The following TBC1D8 variants were observed in gnomAD, a reference collection of about 807,000 sequenced individuals.
The protein encoded by TBC1D8 is BUB2-like protein 1.
In TBC1D8, 65 loss-of-function variants were observed where a neutral mutation model predicts 118.8. That is an observed-to-expected ratio of 0.55 (90% CI 0.45 to 0.67). The LOEUF (loss-of-function observed/expected upper bound fraction) is 0.67. Ranked by LOEUF, TBC1D8 falls within the 30% of genes least tolerant of loss-of-function variation. The pLI, the probability that TBC1D8 is intolerant of heterozygous loss-of-function variation, is 0.00. For synonymous variants in TBC1D8, 566 were observed against 595.8 expected (o/e 0.95, Z 0.73); for missense variants, 1,376 against 1,471.2 (o/e 0.94, Z 1.06).
chr2:101,057,380 C>T (rs1247644967), intron 3 of TBC1D8, among the ~76,000 whole-genome samples: 1 of 152,212 alleles, frequency 6.6e-6, no homozygotes, highest in Non-Finnish European at 1.5e-5. Flanking sequence ...ACACTGCCCC[C>T]AAAAGCCTAA....
intron 1 of TBC1D8, among the ~76,000 whole-genome samples, chr2:101,120,064 T>A (rs1678026674): frequency 6.6e-6 from 1 of 152,108 alleles, no homozygotes; most frequent in Admixed American, 6.5e-5. Context: ...ATCCCCACAG[T>A]GCAGAGAGGG....
At chr2:101,083,795 C>A (rs977594960) in intron 2 of TBC1D8, among the ~76,000 whole-genome samples, 26 of 152,178 alleles carry the variant, frequency 1.7e-4, no homozygotes, top group Admixed American at 6.5e-5. Flanking sequence ...TGGGCTTTAT[C>A]TGAGACTTGA....
At chr2:101,010,895 A>T in intron 19 of TBC1D8, 34 bp downstream of exon 19, 3 of 1,573,600 alleles carry the variant, frequency 1.9e-6, no homozygotes, top group African/African-American at 1.4e-5. Flanking sequence ...AAAAAAAAAA[A>T]AAGTTAATTC....
chr2:101,028,051 G>T lies in TBC1D8; in HGVS notation c.2448C>A (p.Asn816Lys). 6.2e-7 allele frequency: 1 copy of T among 1,613,902 alleles called. No individual in the cohort carries two copies. Among genetic ancestry groups the T allele is most frequent in the Non-Finnish European group, 8.5e-7 (1 of 1,179,814 alleles). Reference sequence around the variant, plus strand: ...GGGTGAGGCGTCTGCTACCCACCACGTTCTGCTTTGTGGTGTCCTCGTGGC... The same window carrying T: ...GGGTGAGGCGTCTGCTACCCACCACTTTCTGCTTTGTGGTGTCCTCGTGGC... ...LQGHEDTTKQ[N>K]VLRVVIPEVS... Residue 816 changes from asparagine (N) to lysine (K), a missense_variant, in exon 14 of 20, where the codon AAC becomes AAA. Asn to Lys is a moderately conservative substitution (Grantham distance 94, BLOSUM62 0). Transcript: ENST00000409318.
intron 1 of TBC1D8, among the ~76,000 whole-genome samples, chr2:101,147,767 G>C (rs576789501): frequency 6.6e-6 from 1 of 152,220 alleles, no homozygotes; most frequent in African/African-American, 2.4e-5. Context: ...CAGAGACCCT[G>C]GGAGAGAGGG....
intron 17 of TBC1D8, chr2:101,019,102 AGC>A: frequency 6.4e-7 from 1 of 1,571,490 alleles, no homozygotes; most frequent in Non-Finnish European, 8.6e-7. Flanking sequence ...CCTGAGCTGC[AGC>A]AGATGCCTTT....
intron 1 of TBC1D8, 56 bp downstream of exon 1, chr2:101,151,069 CCG>C: frequency 1.1e-6 from 1 of 891,178 alleles, no homozygotes; most frequent in Non-Finnish European, 1.3e-6. Context: ...GGCCGCGGGC[CCG>C]GCGGGGTGCG....
intron 1 of TBC1D8, among the ~76,000 whole-genome samples, chr2:101,102,548 C>CA (rs769178282): frequency 7.0e-6 from 1 of 141,908 alleles, no homozygotes; most frequent in Non-Finnish European, 1.5e-5. Context: ...AAAAAAAAAA[C>CA]AACAAAAAAC....
At chr2:101,047,569 A>G (rs1283097258) in intron 5 of TBC1D8, among the ~76,000 whole-genome samples, 1 of 152,180 alleles carries the variant, frequency 6.6e-6, no homozygotes, top group Non-Finnish European at 1.5e-5. Context: ...AAATGCTACA[A>G]ATGAGAACTG....
At chr2:101,010,591 C>A (rs540346090) in intron 19 of TBC1D8, among the ~76,000 whole-genome samples, 1 of 152,208 alleles carries the variant, frequency 6.6e-6, no homozygotes, top group African/African-American at 2.4e-5. Context: ...TCTGAAAAAA[C>A]AGTTAATTCT....
intron 2 of TBC1D8, among the ~76,000 whole-genome samples, chr2:101,083,753 G>T (rs1398416982): frequency 6.6e-6 from 1 of 152,130 alleles, no homozygotes; most frequent in Non-Finnish European, 1.5e-5. Context: ...CCTTGTCCTG[G>T]GGCTGCCCAG....
chr2:101,083,532 C>T (rs1402245608), intron 2 of TBC1D8, among the ~76,000 whole-genome samples: 3 of 152,150 alleles, frequency 2.0e-5, no homozygotes, highest in East Asian at 1.9e-4. Flanking sequence ...AATAGGAATT[C>T]ATTTCTCCTT....
chr2:101,090,074 G>C, intron 2 of TBC1D8, 135 bp downstream of exon 2: 1 of 835,414 alleles, frequency 1.2e-6, no homozygotes, highest in Non-Finnish European at 1.8e-6. Context: ...GGGGAGTGGA[G>C]GGGAGGGGAG....
At chr2:101,029,187 G>A (rs998253070) in intron 12 of TBC1D8, among the ~76,000 whole-genome samples, 1 of 152,148 alleles carries the variant, frequency 6.6e-6, no homozygotes, top group African/African-American at 2.4e-5. Flanking sequence ...CCAGGAGTTC[G>A]AGACCAACCT....
chr2:101,072,297 G>A lies in TBC1D8; in HGVS notation c.284-12758C>T, dbSNP rs953545428. Among the ~76,000 whole-genome samples the A allele has an allele frequency of 6.6e-5, 10 of 152,194 alleles. No individual in the cohort carries two copies. The East Asian group carries it at 9.7e-4, about 15-fold the overall frequency. ...CAGCATCTGCTCCTGGTGAGGCCTCGGGAAGCTTACAATCATGGCAGAAGG... is the reference window on the plus strand; with the variant it reads ...CAGCATCTGCTCCTGGTGAGGCCTCAGGAAGCTTACAATCATGGCAGAAGG... On this transcript the variant is annotated intron_variant, in intron 2 of 19. Coordinates refer to ENST00000409318, the MANE Select transcript of TBC1D8 (RefSeq NM_001330348.2).
Position 101,029,630 on chromosome 2 carries a change from T to C in TBC1D8, c.2083A>G (p.Ser695Gly). 3 of 1,613,814 alleles carry C rather than the reference T, an allele frequency of 1.9e-6. No homozygotes were observed. Among genetic ancestry groups the C allele is most frequent in the Non-Finnish European group, 2.5e-6 (3 of 1,179,860 alleles). The change falls in exon 12 of 20, where the codon AGT becomes GGT. Residue 695 changes from serine (S) to glycine (G), a missense_variant. Ser to Gly is a moderately conservative substitution (Grantham distance 56). Transcript: ENST00000409318. ...TLFLSIMPLE[S>G]AVNVVDCFFY... ...AAGCAGTCTACCACATTCACCGCAC[T>C]CTCTAGAGGCATGATGCTGAGGAAC...
At chr2:101,074,332 C>A (rs1674664374) in intron 2 of TBC1D8, among the ~76,000 whole-genome samples, 1 of 152,124 alleles carries the variant, frequency 6.6e-6, no homozygotes, top group Non-Finnish European at 1.5e-5. Flanking sequence ...ACAGTAACAA[C>A]TAAGATCACT....
Position 101,028,106 on chromosome 2 carries a change from C to A in TBC1D8, c.2393G>T (p.Arg798Leu). Residue 798 changes from arginine (R) to leucine (L), a missense_variant, in exon 14 of 20, where the codon CGT becomes CTT. Coordinates refer to ENST00000409318, the MANE Select transcript of TBC1D8 (RefSeq NM_001330348.2). Reference sequence around the variant, plus strand: ...GAGGACCCTGATCCTGTGCTTGTAACGTAGGTGCTCGATCTGCTCCACAGA... The same window carrying A: ...GAGGACCCTGATCCTGTGCTTGTAAAGTAGGTGCTCGATCTGCTCCACAGA... ...DQSVEQIEHL[R>L]YKHRIRVLQG... The A allele has an allele frequency of 1.2e-6, 2 of 1,613,946 alleles. No homozygotes were observed. The highest frequency in any genetic ancestry group is 1.7e-6 in the Non-Finnish European group (2 of 1,179,896).
intron 1 of TBC1D8, among the ~76,000 whole-genome samples, chr2:101,111,468 C>T (rs1237970772): frequency 6.6e-6 from 1 of 152,166 alleles, no homozygotes. Flanking sequence ...AGTGTGTGCG[C>T]GAGTGCAGGT....
Sources: gnomAD v4.1 joint callset for allele counts (sites outside exome capture counted in the v4.1 genomes callset) on GRCh38, gnomAD v4.1.1 for gene constraint, MANE v1.5 for transcripts, NCBI Gene and HGNC (gene_info 2026-07-23, HGNC 2026-07-21) for gene names.